LRGUK: variants seen among roughly 807,000 people sequenced by gnomAD.
The protein encoded by LRGUK is leucine rich repeats and guanylate kinase domain containing.
A neutral mutation model predicts 76.0 loss-of-function variants in LRGUK; 65 were observed. The observed-to-expected ratio is 0.85, with a 90% CI of 0.70 to 1.05. The LOEUF (loss-of-function observed/expected upper bound fraction) is 1.05, where lower values mean the gene tolerates loss of function less well. Ranked by LOEUF, LRGUK falls within the 50% of genes least tolerant of loss-of-function variation. The probability of loss-of-function intolerance (pLI) is 0.00; values close to 1 mark genes in which losing one functional copy is unlikely to be tolerated. For synonymous variants in LRGUK, 268 were observed against 265.6 expected (o/e 1.01, Z -0.09); for missense variants, 758 against 732.8 (o/e 1.03, Z -0.40).
chr7:134,248,001 A>T (rs937677914), intron 17 of LRGUK, among the ~76,000 whole-genome samples: 1 of 152,182 alleles, frequency 6.6e-6, no homozygotes, highest in African/African-American at 2.4e-5. Flanking sequence ...ATTTTAAGTT[A>T]TCTATTGAGA....
At chr7:134,271,983 T>C in the LRGUK span, among the ~76,000 whole-genome samples, 1 of 152,090 alleles carries the variant, frequency 6.6e-6, no homozygotes, top group Non-Finnish European at 1.5e-5. Flanking sequence ...TTTCTTTCCA[T>C]CCGTTATTAT....
downstream of LRGUK, among the ~76,000 whole-genome samples, chr7:134,211,965 C>T (rs1403000036): frequency 6.6e-6 from 1 of 152,110 alleles, no homozygotes; most frequent in South Asian, 2.1e-4. Context: ...GGACTCTCAC[C>T]ACTTCTCTTC....
At chr7:134,201,951 T>A (rs1800790276) in intron 15 of LRGUK, among the ~76,000 whole-genome samples, 1 of 152,160 alleles carries the variant, frequency 6.6e-6, no homozygotes, top group South Asian at 2.1e-4. Flanking sequence ...GAGTTTTCTT[T>A]CCCCTTTTCT....
rs189191252 is a variant in LRGUK at position 134,216,331 on chromosome 7, G to A, written c.1844-5448G>A. Among the ~76,000 whole-genome samples, 3 of 152,248 alleles carry A rather than the reference G, an allele frequency of 2.0e-5. No homozygotes were observed. In the East Asian group the frequency reaches 5.8e-4, roughly 29 times the overall value. On this transcript the variant is annotated intron_variant, in intron 15 of 19. Coordinates refer to the LRGUK transcript ENST00000285928. Reference sequence around the variant, plus strand: ...ATTTGGTAAATGAGATGGTCTTTGTGAAAATCCTTTTTTAAAAATTTGATA... The same window carrying A: ...ATTTGGTAAATGAGATGGTCTTTGTAAAAATCCTTTTTTAAAAATTTGATA...
intron 7 of LRGUK, among the ~76,000 whole-genome samples, chr7:134,172,914 G>T (rs1799318169): frequency 6.6e-6 from 1 of 152,104 alleles, no homozygotes; most frequent in African/African-American, 2.4e-5. Flanking sequence ...TTGAGCTAGG[G>T]AGGTTGAGGC....
chr7:134,222,522 G>A (rs147984257), intron 16 of LRGUK, among the ~76,000 whole-genome samples: 15 of 152,296 alleles, frequency 9.8e-5, no homozygotes, highest in Admixed American at 1.3e-4. Flanking sequence ...GCAATTTGCT[G>A]CAGAAGCAAC....
chr7:134,263,802 G>T, intron 19 of LRGUK, 43 bp from the exon 20 acceptor site: 1 of 1,561,176 alleles, frequency 6.4e-7, no homozygotes, highest in Middle Eastern at 1.7e-4. Context: ...TTTGTACCAA[G>T]AAACCAAGGG....
intron 16 of LRGUK, among the ~76,000 whole-genome samples, chr7:134,233,429 C>T (rs1585585767): frequency 6.6e-6 from 1 of 152,298 alleles, no homozygotes; most frequent in South Asian, 2.1e-4. Context: ...ATGACCAATT[C>T]ATTGAGAGAC....
chr7:134,143,152 A>G (rs1161229705), exon 4 of LRGUK: 2 of 1,597,190 alleles, frequency 1.3e-6, no homozygotes, highest in African/African-American at 1.3e-5. Flanking sequence ...AAGCCACCCA[A>G]AAACCTCAAG....
intron 11 of LRGUK, among the ~76,000 whole-genome samples, chr7:134,185,058 G>C (rs2117027440): frequency 6.6e-6 from 1 of 152,286 alleles, no homozygotes; most frequent in South Asian, 2.1e-4. Flanking sequence ...GAAGGAGAAG[G>C]GGCAGCAAGT....
intron 5 of LRGUK, among the ~76,000 whole-genome samples, chr7:134,155,779 C>A (rs1585452999): frequency 6.6e-6 from 1 of 152,104 alleles, no homozygotes; most frequent in East Asian, 1.9e-4. Flanking sequence ...CTGATATTAT[C>A]CCCACTTTAA....
chr7:134,138,255 C>T (rs73454664), intron 2 of LRGUK, among the ~76,000 whole-genome samples: 17,288 of 152,148 alleles, frequency 0.11, 1,244 homozygotes, highest in East Asian at 0.33. Context: ...AAAAAGCAAT[C>T]CTTTAAATCT....
At chr7:134,163,562 C>A in intron 7 of LRGUK, 22 bp downstream of exon 7, 1 of 1,590,852 alleles carries the variant, frequency 6.3e-7, no homozygotes, top group East Asian at 2.2e-5. Flanking sequence ...CTTCACATGT[C>A]TTGGTTTCAG....
chr7:134,133,770 G>A, intron 1 of LRGUK, among the ~76,000 whole-genome samples: 1 of 152,124 alleles, frequency 6.6e-6, no homozygotes, highest in East Asian at 1.9e-4. Flanking sequence ...AATTGAAATT[G>A]CGTATGGGTC....
In LRGUK at chr7:134,263,851, C is replaced by T. The variant is rs761969195; in HGVS notation, c.2354C>T (p.Pro785Leu). Residue 785 changes from proline (P) to leucine (L), a missense_variant, in exon 20 of 20, where the codon CCT (proline) becomes CTT (leucine). Pro to Leu is a moderately conservative substitution (Grantham distance 98). Transcript: ENST00000285928. ...TTTTCTGAATGTTTTACAGCACTACCTATACAATCATTTTCACATGAAAAA... is the reference window on the plus strand; with the variant it reads ...TTTTCTGAATGTTTTACAGCACTACTTATACAATCATTTTCACATGAAAAA... The T allele has an allele frequency of 9.9e-6, 16 of 1,608,950 alleles. No homozygotes were observed. In the Admixed American group the frequency reaches 1.0e-4, roughly 10 times the overall value.
rs1406049348 is a variant in LRGUK at position 134,178,643 on chromosome 7, G to A, written c.1214+34G>A. ...TAGAAATCCAAAGGCCGGAATTCAG[G>A]GTGAGCAAGCAAAAGACAGCCTCAT... On this transcript the variant is annotated intron_variant, in intron 10 of 15. Transcript: ENST00000645682. 3.2e-6 allele frequency: 5 copies of A among 1,559,044 alleles called. No homozygotes were observed. In the Admixed American group the frequency reaches 8.5e-5, roughly 27 times the overall value.
At chr7:134,199,455 A>G (rs1179254473) in intron 14 of LRGUK, 34 bp downstream of exon 14, 1 of 1,556,906 alleles carries the variant, frequency 6.4e-7, no homozygotes, top group East Asian at 2.2e-5. Flanking sequence ...TGTTTTTGAA[A>G]TGTAAGATTA....
At chr7:134,133,442 C>T (rs1463034965) in intron 1 of LRGUK, among the ~76,000 whole-genome samples, 1 of 152,178 alleles carries the variant, frequency 6.6e-6, no homozygotes, top group Non-Finnish European at 1.5e-5. Flanking sequence ...AGTCAGCAGA[C>T]ACTGCCTATC....
intron 16 of LRGUK, among the ~76,000 whole-genome samples, chr7:134,235,135 C>G (rs1408314532): frequency 6.6e-6 from 1 of 152,234 alleles, no homozygotes; most frequent in East Asian, 1.9e-4. Flanking sequence ...AATTGCAAAC[C>G]TAGGTCAGAT....
Sources: allele counts gnomAD v4.1 joint callset (sites outside exome capture counted in the v4.1 genomes callset), GRCh38; gene constraint gnomAD v4.1.1; transcripts MANE v1.5; gene names NCBI Gene and HGNC (gene_info 2026-07-23, HGNC 2026-07-21).